Variants in ALCAM observed in about 807,000 individuals in gnomAD.
The protein encoded by ALCAM is CD166 antigen.
A neutral mutation model predicts 70.9 loss-of-function variants in ALCAM; 30 were observed. The ratio of observed to expected loss-of-function variants is 0.42; its 90% CI spans 0.32 to 0.57. ALCAM has a LOEUF of 0.57. Among genes scored for constraint, ALCAM ranks in the 20% least tolerant of loss-of-function variants. ALCAM has a pLI of 0.11. For synonymous variants in ALCAM, 249 were observed against 242.5 expected, an observed-to-expected ratio of 1.03 and a Z score of -0.25; for missense variants, 591 against 695.1, an observed-to-expected ratio of 0.85 and a Z score of 1.68.
intron 1 of ALCAM, among the ~76,000 whole-genome samples, chr3:105,444,933 A>C (rs1937259531): frequency 6.6e-6 from 1 of 152,186 alleles, no homozygotes; most frequent in Non-Finnish European, 1.5e-5. Context: ...TGTATGTTTA[A>C]TGACTCATAC....
chr3:105,387,804 A>G (rs1935695795), intron 1 of ALCAM, among the ~76,000 whole-genome samples: 2 of 151,526 alleles, frequency 1.3e-5, no homozygotes, highest in Admixed American at 1.3e-4. Context: ...TTGGTTAATC[A>G]CTTCATATTT....
intron 11 of ALCAM, among the ~76,000 whole-genome samples, chr3:105,549,585 T>A (rs17189452): frequency 0.14 from 21,006 of 151,210 alleles, 1,644 homozygotes; most frequent in Admixed American, 0.26. Context: ...CTCACAAACA[T>A]CAGAGGGACA....
At chr3:105,381,767 T>C (rs1042542793) in intron 1 of ALCAM, among the ~76,000 whole-genome samples, 1 of 151,700 alleles carries the variant, frequency 6.6e-6, no homozygotes, top group Non-Finnish European at 1.5e-5. Flanking sequence ...TAGGGCCCAG[T>C]GATCATATTT....
chr3:105,520,259 A>G, intron 2 of ALCAM, 92 bp downstream of exon 2: 1 of 905,170 alleles, frequency 1.1e-6, no homozygotes, highest in Non-Finnish European at 1.8e-6. Context: ...AAATTAACCT[A>G]AATGCAATAT....
At chr3:105,532,187 T>C in intron 4 of ALCAM, 121 bp downstream of exon 4, 3 of 817,676 alleles carry the variant, frequency 3.7e-6, no homozygotes, top group Non-Finnish European at 6.0e-6. Flanking sequence ...GTGTTGCAGC[T>C]ACCAATCAGA....
At chr3:105,370,258 T>G (rs894940853) in intron 1 of ALCAM, among the ~76,000 whole-genome samples, 7 of 152,246 alleles carry the variant, frequency 4.6e-5, no homozygotes, top group African/African-American at 1.7e-4. Flanking sequence ...ACTATTGAAA[T>G]TGATTAATTT....
intron 1 of ALCAM, among the ~76,000 whole-genome samples, chr3:105,370,104 CTGATA>C (rs1935188632): frequency 6.6e-6 from 1 of 152,150 alleles, no homozygotes; most frequent in Non-Finnish European, 1.5e-5. Flanking sequence ...ACTGATCTCA[CTGATA>C]TAAGATTCAT....
At chr3:105,466,041 C>T (rs1173016682) in intron 1 of ALCAM, among the ~76,000 whole-genome samples, 2 of 151,362 alleles carry the variant, frequency 1.3e-5, no homozygotes, top group Non-Finnish European at 3.0e-5. Flanking sequence ...TGAAAGCAGT[C>T]CTTATACACA....
chr3:105,436,497 T>G, intron 1 of ALCAM, among the ~76,000 whole-genome samples: 1 of 151,954 alleles, frequency 6.6e-6, no homozygotes, highest in Non-Finnish European at 1.5e-5. Context: ...CCGGCTAATT[T>G]TTTGTATTTT....
intron 1 of ALCAM, among the ~76,000 whole-genome samples, chr3:105,506,307 C>G (rs1939076679): frequency 1.3e-5 from 2 of 152,122 alleles, no homozygotes; most frequent in South Asian, 4.1e-4. Context: ...AGAATTGTAG[C>G]TGAAGAACAC....
At chr3:105,556,714 C>T (rs1048870004) in intron 14 of ALCAM, among the ~76,000 whole-genome samples, 7 of 151,814 alleles carry the variant, frequency 4.6e-5, no homozygotes, top group African/African-American at 1.5e-4. Flanking sequence ...ATATGGAACA[C>T]GATCTTGCAA....
At chr3:105,445,525 A>T (rs913010530) in intron 1 of ALCAM, among the ~76,000 whole-genome samples, 1 of 152,192 alleles carries the variant, frequency 6.6e-6, no homozygotes, top group African/African-American at 2.4e-5. Flanking sequence ...ATAGCAAAGC[A>T]ATCTTGAGCA....
chr3:105,497,905 C>T (rs1470836406), intron 1 of ALCAM, among the ~76,000 whole-genome samples: 2 of 151,978 alleles, frequency 1.3e-5, no homozygotes, highest in Non-Finnish European at 2.9e-5. Flanking sequence ...GTGGCAGGCA[C>T]CTGTAGTCCC....
At chr3:105,409,672 C>T (rs969721893) in intron 1 of ALCAM, among the ~76,000 whole-genome samples, 2 of 151,660 alleles carry the variant, frequency 1.3e-5, no homozygotes, top group African/African-American at 2.4e-5. Flanking sequence ...ACTCATGTAA[C>T]CAAACACCAC....
At chr3:105,548,338 G>C (rs114331535) in intron 11 of ALCAM, among the ~76,000 whole-genome samples, 1 of 151,162 alleles carries the variant, frequency 6.6e-6, no homozygotes. Flanking sequence ...AACAGTCTTC[G>C]TGTCTCCCTC....
chr3:105,449,743 T>C (rs1937380891), intron 1 of ALCAM, among the ~76,000 whole-genome samples: 1 of 152,184 alleles, frequency 6.6e-6, no homozygotes, highest in Non-Finnish European at 1.5e-5. Flanking sequence ...TTTTTCTTTA[T>C]TAGGTTAATC....
chr3:105,467,010 T>C (rs757135815), intron 1 of ALCAM, among the ~76,000 whole-genome samples: 8 of 151,352 alleles, frequency 5.3e-5, no homozygotes, highest in Non-Finnish European at 1.0e-4. Flanking sequence ...ACTTTGCAAC[T>C]GTGTAGAATG....
intron 1 of ALCAM, among the ~76,000 whole-genome samples, chr3:105,451,635 C>A (rs1039627673): frequency 1.1e-4 from 17 of 152,182 alleles, no homozygotes; most frequent in African/African-American, 3.9e-4. Flanking sequence ...ATAAATAATG[C>A]TAAGAGGTTC....
intron 4 of ALCAM, among the ~76,000 whole-genome samples, chr3:105,532,923 A>G (rs1939875896): frequency 6.6e-6 from 1 of 152,194 alleles, no homozygotes; most frequent in Non-Finnish European, 1.5e-5. Flanking sequence ...AGATTCGAAC[A>G]ACACATTAGC....
Sources: allele counts gnomAD v4.1 joint callset (sites outside exome capture counted in the v4.1 genomes callset), GRCh38; gene constraint gnomAD v4.1.1; transcripts MANE v1.5; gene names NCBI Gene and HGNC (gene_info 2026-07-23, HGNC 2026-07-21).